The following NT5M variants were observed in gnomAD, a reference collection of about 807,000 sequenced individuals.
The protein encoded by NT5M is 5',3'-nucleotidase, mitochondrial.
A neutral mutation model predicts 22.2 loss-of-function variants in NT5M; 22 were observed. The ratio of observed to expected loss-of-function variants is 0.99; its 90% CI spans 0.71 to 1.41. The LOEUF is 1.41. NT5M is among the 40% of genes most tolerant of loss of function. NT5M has a pLI of 0.00. For missense variants in NT5M, 322 were observed against 314.8 expected (o/e 1.02, Z -0.17); for synonymous variants, 167 against 133.0 (o/e 1.26, Z -1.76).
At chr17:17,339,176 T>C (rs1446146451) in intron 3 of NT5M, among the ~76,000 whole-genome samples, 1 of 152,254 alleles carries the variant, frequency 6.6e-6, no homozygotes, top group African/African-American at 2.4e-5. Context: ...ATCAGTGTTT[T>C]ATAGTTTACA....
chr17:17,339,402 A>T (rs1678319252), intron 3 of NT5M, among the ~76,000 whole-genome samples: 1 of 152,132 alleles, frequency 6.6e-6, no homozygotes, highest in Non-Finnish European at 1.5e-5. Context: ...ATATAAGATC[A>T]TGTCATCTGC....
intron 3 of NT5M, among the ~76,000 whole-genome samples, chr17:17,334,024 G>A (rs1048604741): frequency 3.5e-4 from 53 of 151,866 alleles, no homozygotes; most frequent in Admixed American, 2.0e-4. Context: ...TAGTAGAGAC[G>A]GGGTTTCATC....
chr17:17,331,463 CA>C, intron 3 of NT5M, among the ~76,000 whole-genome samples: 1 of 151,652 alleles, frequency 6.6e-6, no homozygotes, highest in Non-Finnish European at 1.5e-5. Flanking sequence ...ATTACATTTC[CA>C]AAAAATAAAA....
Position 17,311,047 on chromosome 17 carries a change from T to A in NT5M, c.368+4404T>A, listed in dbSNP as rs1597746941. On this transcript the variant is annotated intron_variant, in intron 2 of 4. Transcript: ENST00000389022. Reference sequence around the variant, plus strand: ...GCCCCTGTGTTTTCTTTAAGAGTTTTAGTTTTGGGCCGGGCGCGGTGGCTC... The same window carrying A: ...GCCCCTGTGTTTTCTTTAAGAGTTTAAGTTTTGGGCCGGGCGCGGTGGCTC... Among the ~76,000 whole-genome samples the A allele has an allele frequency of 2.0e-5, 3 of 151,950 alleles. No homozygotes were observed. The East Asian group carries it at 5.8e-4, about 29-fold the overall frequency.
intron 3 of NT5M, among the ~76,000 whole-genome samples, chr17:17,338,921 G>T (rs917187128): frequency 6.6e-6 from 1 of 151,766 alleles, no homozygotes; most frequent in African/African-American, 2.4e-5. Context: ...TAGAGACGGG[G>T]TTTCACTGTG....
intron 3 of NT5M, among the ~76,000 whole-genome samples, chr17:17,339,075 G>C (rs1237252120): frequency 6.6e-6 from 1 of 152,098 alleles, no homozygotes; most frequent in African/African-American, 2.4e-5. Flanking sequence ...AAATTGCTTT[G>C]GGTAGTATGA....
Position 17,347,361 on chromosome 17 carries a change from G to T in NT5M, c.*414G>T, listed in dbSNP as rs971979509. On this transcript the variant is annotated 3_prime_UTR_variant, in exon 5 of 5. Coordinates refer to ENST00000389022, the MANE Select transcript of NT5M (RefSeq NM_020201.4). Reference sequence around the variant, plus strand: ...CAGCAAGGAGGACCAGGAACCCGGCGACTGAGGTGCTTCCAGGTGGGGACA... The same window carrying T: ...CAGCAAGGAGGACCAGGAACCCGGCTACTGAGGTGCTTCCAGGTGGGGACA... 1.1e-5 allele frequency: 2 copies of T among 181,294 alleles called. No homozygotes were observed. Among genetic ancestry groups the T allele is most frequent in the African/African-American group, 4.8e-5 (2 of 41,912 alleles). 11.2% of individuals were successfully genotyped at this position (181,294 alleles called of 1,614,324 possible).
At chr17:17,330,501 G>T (rs1479813401) in intron 3 of NT5M, among the ~76,000 whole-genome samples, 1 of 150,686 alleles carries the variant, frequency 6.6e-6, no homozygotes, top group East Asian at 2.0e-4. Context: ...TCAACCTCCT[G>T]ACTAGCTGGG....
intron 3 of NT5M, among the ~76,000 whole-genome samples, chr17:17,328,874 G>A (rs1015622282): frequency 7.2e-5 from 11 of 152,274 alleles, no homozygotes; most frequent in East Asian, 1.9e-4. Flanking sequence ...CAGATTGCTC[G>A]GTAATAGTTA....
chr17:17,318,471 A>T (rs1252844562), intron 2 of NT5M, among the ~76,000 whole-genome samples: 5 of 104,280 alleles, frequency 4.8e-5, no homozygotes, highest in South Asian at 3.2e-4. Flanking sequence ...ACAAAGCGAG[A>T]CTCTGTCTCA....
intron 3 of NT5M, among the ~76,000 whole-genome samples, chr17:17,328,108 G>A (rs2049300276): frequency 6.6e-6 from 1 of 152,168 alleles, no homozygotes; most frequent in Admixed American, 6.6e-5. Context: ...CATTTCCACT[G>A]TACCAGCCGT....
chr17:17,314,114 A>G (rs1466842204), intron 2 of NT5M, among the ~76,000 whole-genome samples: 3 of 149,710 alleles, frequency 2.0e-5, no homozygotes, highest in Admixed American at 6.7e-5. Flanking sequence ...GCTCACTACA[A>G]CCTCCGCCTC....
Position 17,308,607 on chromosome 17 carries a change from C to CTCTGTCTCAAAAAAA in NT5M, c.368+1964_368+1965insTCTGTCTCAAAAAAA, listed in dbSNP as rs2048860478. Among the ~76,000 whole-genome samples, 3 of 151,978 alleles carry CTCTGTCTCAAAAAAA rather than the reference C, an allele frequency of 2.0e-5. No homozygotes were observed. In the South Asian group the frequency reaches 6.2e-4, roughly 32 times the overall value. On this transcript the variant is annotated intron_variant, in intron 2 of 4. Coordinates refer to ENST00000389022, the MANE Select transcript of NT5M (RefSeq NM_020201.4). Reference sequence around the variant, plus strand: ...ACTCTGTCTCAAAAAAAAAAAGAGACATACCGTGCAGTCCACCCATTTGAA... The same window carrying CTCTGTCTCAAAAAAA: ...ACTCTGTCTCAAAAAAAAAAAGAGACTCTGTCTCAAAAAAAATACCGTGCAGTCCACCCATTTGAA...
chr17:17,316,542 A>G lies in NT5M; in HGVS notation c.369-6643A>G, dbSNP rs897910502. Among the ~76,000 whole-genome samples the G allele has an allele frequency of 1.3e-5, 2 of 148,994 alleles. 1 individual carries two copies. Among genetic ancestry groups the G allele is most frequent in the Non-Finnish European group, 3.0e-5 (2 of 67,388 alleles). On this transcript the variant is annotated intron_variant, in intron 2 of 4. Transcript: ENST00000389022. ...AGGCGCCCGCCACCACACCTGGCTA[A>G]TTTTTGTATTTTTATTAGAGATGGG...
In NT5M at chr17:17,313,432, G is replaced by C. The variant is rs1173235314; in HGVS notation, c.368+6789G>C. 2.6e-5 allele frequency among the ~76,000 whole-genome samples: 4 copies of C among 152,196 alleles called. No individual in the cohort carries two copies. The East Asian group carries it at 7.7e-4, about 29-fold the overall frequency. On this transcript the variant is annotated intron_variant, in intron 2 of 4. Transcript: ENST00000389022. ...TCTCCATTTGGCTCTTAAATTGGTA[G>C]AAGATTCCTATGGTCAGTTTGTGCC...
chr17:17,314,108 A>G (rs1288224639), intron 2 of NT5M, among the ~76,000 whole-genome samples: 1 of 149,390 alleles, frequency 6.7e-6, no homozygotes, highest in Non-Finnish European at 1.5e-5. Flanking sequence ...ATCTCGGCTC[A>G]CTACAACCTC....
intron 2 of NT5M, among the ~76,000 whole-genome samples, chr17:17,314,250 G>C (rs2048978178): frequency 6.6e-6 from 1 of 152,092 alleles, no homozygotes; most frequent in Non-Finnish European, 1.5e-5. Flanking sequence ...GGTCAGGCTG[G>C]TGTTTAACTC....
chr17:17,332,897 G>A (rs1389240875), intron 3 of NT5M, among the ~76,000 whole-genome samples: 1 of 152,018 alleles, frequency 6.6e-6, no homozygotes, highest in East Asian at 1.9e-4. Flanking sequence ...AGGGTATATG[G>A]GAACTCTGTA....
At chr17:17,324,165 G>A (rs1034381293) in intron 3 of NT5M, among the ~76,000 whole-genome samples, 3 of 149,760 alleles carry the variant, frequency 2.0e-5, no homozygotes, top group Admixed American at 6.6e-5. Context: ...GTGAGCCACC[G>A]TGCCTGGCCT....
Sources: gnomAD v4.1 joint callset for allele counts (sites outside exome capture counted in the v4.1 genomes callset) on GRCh38, gnomAD v4.1.1 for gene constraint, MANE v1.5 for transcripts, NCBI Gene and HGNC (gene_info 2026-07-23, HGNC 2026-07-21) for gene names.